The following PTPRN2 variants were observed in gnomAD, a reference collection of about 807,000 sequenced individuals.
PTPRN2 encodes receptor-type tyrosine-protein phosphatase N2.
A neutral mutation model predicts 118.8 loss-of-function variants in PTPRN2; 74 were observed. That is an observed-to-expected ratio of 0.62 (90% CI 0.52 to 0.76). The LOEUF is 0.76. Among genes scored for constraint, PTPRN2 ranks in the 30% least tolerant of loss-of-function variants. The probability of loss-of-function intolerance (pLI) is 0.00; values close to 1 mark genes in which losing one functional copy is unlikely to be tolerated. For missense variants in PTPRN2, 1,481 were observed against 1,394.4 expected, an observed-to-expected ratio of 1.06 and a Z score of -0.99; for synonymous variants, 641 against 608.0, an observed-to-expected ratio of 1.05 and a Z score of -0.80.
chr7:157,657,685 CATCACACAT>C (rs1795634931), intron 13 of PTPRN2, among the ~76,000 whole-genome samples: 1 of 138,358 alleles, frequency 7.2e-6, no homozygotes, highest in Non-Finnish European at 1.6e-5. Context: ...ACACCACACA[CATCACACAT>C]ATACACACAC....
chr7:157,605,856 C>T (rs946610793), intron 15 of PTPRN2, among the ~76,000 whole-genome samples: 2 of 152,228 alleles, frequency 1.3e-5, no homozygotes, highest in African/African-American at 2.4e-5. Flanking sequence ...GGAAAAGGCA[C>T]CATGAGTTCC....
intron 2 of PTPRN2, among the ~76,000 whole-genome samples, chr7:158,329,840 T>G (rs1804007898): frequency 6.6e-6 from 1 of 152,120 alleles, no homozygotes; most frequent in South Asian, 2.1e-4. Flanking sequence ...CTACGGAGAC[T>G]CACTTTCACT....
At chr7:157,836,085 T>C (rs1338062894) in intron 12 of PTPRN2, among the ~76,000 whole-genome samples, 2 of 152,198 alleles carry the variant, frequency 1.3e-5, no homozygotes, top group South Asian at 2.1e-4. Context: ...GGAAAATTCA[T>C]GAAGAGATTA....
chr7:158,547,645 G>A (rs1356718560), intron 1 of PTPRN2, among the ~76,000 whole-genome samples: 1 of 152,224 alleles, frequency 6.6e-6, no homozygotes, highest in Non-Finnish European at 1.5e-5. Flanking sequence ...GACCCTGCTG[G>A]TGGAGACTGG....
rs373752455 is a variant in PTPRN2, at chr7:158,355,761, C to A, written c.164-38829G>T. On this transcript the variant is annotated intron_variant, in intron 2 of 22. Transcript: ENST00000389418. ...GAGAATCTGCGTGCACAGGAGCCAG[C>A]CTGAAGGAAGCATCCAGGGAACGCA... Among the ~76,000 whole-genome samples, 17 of 152,336 alleles carry A rather than the reference C, an allele frequency of 1.1e-4. 1 individual carries two copies. The South Asian group carries it at 3.3e-3, about 30-fold the overall frequency.
rs190317048 is a variant in PTPRN2 at position 157,896,264 on chromosome 7, G to A, written c.1788+2409C>T. ...AGAGGACAGGAGGAGCTGGGAAGAT[G>A]AAACCCAGATCCCCTGATCCAAGCA... is the stretch of plus-strand genomic sequence containing the variant. On this transcript the variant is annotated intron_variant, in intron 12 of 22. Coordinates refer to ENST00000389418, the MANE Select transcript of PTPRN2 (RefSeq NM_002847.5). Among the ~76,000 whole-genome samples the A allele has an allele frequency of 2.7e-3, 411 of 151,368 alleles. 1 individual carries two copies. The highest frequency in any genetic ancestry group is 3.4e-3 in the Non-Finnish European group (233 of 67,814).
rs530586293 is a variant in PTPRN2, at chr7:158,060,301, C to T, written c.1723+20997G>A. 9.4e-5 allele frequency among the ~76,000 whole-genome samples: 13 copies of T among 137,772 alleles called. 1 individual carries two copies. The highest frequency in any genetic ancestry group is 6.5e-4 in the South Asian group (3 of 4,648). 90.4% of individuals were successfully genotyped at this position (137,772 alleles called of 152,430 possible). A position where few individuals can be genotyped will look rare whatever the true frequency, so the allele number is the denominator to read the frequency against. On this transcript the variant is annotated intron_variant, in intron 11 of 22. Coordinates refer to ENST00000389418, the MANE Select transcript of PTPRN2 (RefSeq NM_002847.5). ...ACACAGTGACACATCACTGCAGCCA[C>T]GCTCCATCTGCACACGGTGACACAT...
In PTPRN2 at chr7:157,615,537, G is replaced by A. The variant is rs1205362738; in HGVS notation, c.2344+5825C>T. 4.2e-6 allele frequency: 2 copies of A among 471,224 alleles called. No individual in the cohort carries two copies. Among genetic ancestry groups the A allele is most frequent in the East Asian group, 6.9e-5 (1 of 14,392 alleles). The allele number at this position is 471,224 out of a possible 1,614,324, so 29.2% of individuals were successfully genotyped here. ...GCTGGGGTGACCCCATCGCAAGGCCGGGCCGTGGAAACAATCTCAGCCCTG... is the reference window on the plus strand; with the variant it reads ...GCTGGGGTGACCCCATCGCAAGGCCAGGCCGTGGAAACAATCTCAGCCCTG... On this transcript the variant is annotated intron_variant, in intron 15 of 22. Transcript: ENST00000389418. This position sits in a 1 kb window ranked among gnomAD's most constrained non-coding sequence, Gnocchi z 4.3.
Position 157,874,632 on chromosome 7 carries a change from G to A in PTPRN2, c.1788+24041C>T, listed in dbSNP as rs73165880. On this transcript the variant is annotated intron_variant, in intron 12 of 22. Coordinates refer to ENST00000389418, the MANE Select transcript of PTPRN2 (RefSeq NM_002847.5). The surrounding 1 kb of genome is among the most constrained non-coding windows in gnomAD (Gnocchi z 5.8). ...GGGGTCCGGGGAGAAGCGGAGGGGGGCAGAGAAGGCCGTGCCACCCAGCAG... is the reference window on the plus strand; with the variant it reads ...GGGGTCCGGGGAGAAGCGGAGGGGGACAGAGAAGGCCGTGCCACCCAGCAG... Among the ~76,000 whole-genome samples, 29,045 of 152,230 alleles carry A rather than the reference G, an allele frequency of 0.19. 2,946 individuals carry two copies. Among genetic ancestry groups the A allele is most frequent in the South Asian group, 0.24 (1,171 of 4,822 alleles).
rs575925121 is a variant in PTPRN2 at position 158,008,776 on chromosome 7, C to G, written c.1723+72522G>C. ...TCAGTGACTCTAGTATCACCGTTTT[C>G]TTTCTATCTTCTCTTCCACGCACGT... On this transcript the variant is annotated intron_variant, in intron 11 of 22. Transcript: ENST00000389418. Among the ~76,000 whole-genome samples the G allele has an allele frequency of 3.3e-5, 5 of 152,308 alleles. No homozygotes were observed. The South Asian group carries it at 1.0e-3, about 32-fold the overall frequency.
intron 1 of PTPRN2, among the ~76,000 whole-genome samples, chr7:158,505,915 T>C (rs762385242): frequency 3.3e-5 from 5 of 152,168 alleles, no homozygotes; most frequent in Non-Finnish European, 5.9e-5. Flanking sequence ...AACAACACAC[T>C]GAGTACCACC....
intron 12 of PTPRN2, among the ~76,000 whole-genome samples, chr7:157,686,544 C>G (rs1469024364): frequency 6.6e-6 from 1 of 152,172 alleles, no homozygotes; most frequent in Non-Finnish European, 1.5e-5. Context: ...GCGCCATCTC[C>G]CCCATGGGCA....
At chr7:158,067,132 G>C (rs375246434) in intron 11 of PTPRN2, among the ~76,000 whole-genome samples, 2 of 152,194 alleles carry the variant, frequency 1.3e-5, no homozygotes, top group African/African-American at 4.8e-5. Context: ...GAGGGCTGAG[G>C]CATGTTAGAT....
At chr7:158,125,215 C>T (rs1160963943) in intron 9 of PTPRN2, among the ~76,000 whole-genome samples, 4 of 140,722 alleles carry the variant, frequency 2.8e-5, no homozygotes, top group Non-Finnish European at 4.7e-5. Context: ...TGCCTGAAGT[C>T]CCTCCCAGGG....
At chr7:158,508,268 C>T (rs921196663) in intron 1 of PTPRN2, among the ~76,000 whole-genome samples, 1 of 152,146 alleles carries the variant, frequency 6.6e-6, no homozygotes, top group East Asian at 1.9e-4. Flanking sequence ...TGTGGTCATC[C>T]GAAAGCTTTC....
chr7:157,614,123 A>T (rs760187936), intron 15 of PTPRN2: 4 of 462,808 alleles, frequency 8.6e-6, no homozygotes, highest in South Asian at 6.2e-5. Context: ...AAAAAGGAGG[A>T]CGGAGAGGAG....
intron 2 of PTPRN2, among the ~76,000 whole-genome samples, chr7:158,376,928 C>T (rs1288900573): frequency 5.3e-3 from 28 of 5,304 alleles, no homozygotes; most frequent in Admixed American, 0.015. Flanking sequence ...ACGTCCTGCA[C>T]GCGGGGTCAG....
At chr7:157,614,027 G>A in intron 15 of PTPRN2, 1 of 471,290 alleles carries the variant, frequency 2.1e-6, no homozygotes, top group Non-Finnish European at 4.4e-6. Context: ...ACAAGCAACG[G>A]GATGCCTTGG....
At chr7:157,673,432 A>G (rs1377172984) in intron 13 of PTPRN2, among the ~76,000 whole-genome samples, 1 of 152,196 alleles carries the variant, frequency 6.6e-6, no homozygotes, top group Non-Finnish European at 1.5e-5. Context: ...AGAAGGGAGC[A>G]CTATTCTGCA....
Sources: gnomAD v4.1 joint callset for allele counts (sites outside exome capture counted in the v4.1 genomes callset) on GRCh38, gnomAD v4.1.1 for gene constraint, Gnocchi (gnomAD v3.1) non-coding constraint, MANE v1.5 for transcripts, NCBI Gene and HGNC (gene_info 2026-07-23, HGNC 2026-07-21) for gene names.